The following DOK5 variants were observed in gnomAD, a reference collection of about 807,000 sequenced individuals.
The protein encoded by DOK5 is docking protein 5, also known as downstream of tyrosine kinase 5.
A neutral mutation model predicts 43.3 loss-of-function variants in DOK5; 27 were observed. The ratio of observed to expected loss-of-function variants is 0.62; its 90% confidence interval spans 0.46 to 0.86. DOK5 has a LOEUF of 0.86. DOK5 is among the 40% of genes least tolerant of loss of function. The pLI, the probability that DOK5 is intolerant of heterozygous loss-of-function variation, is 0.00. For missense variants in DOK5, 373 were observed against 392.9 expected, an observed-to-expected ratio of 0.95 and a Z score of 0.43; for synonymous variants, 146 against 140.1, an observed-to-expected ratio of 1.04 and a Z score of -0.30.
chr20:54,541,967 C>A (rs1217157100), intron 1 of DOK5, among the ~76,000 whole-genome samples: 1 of 151,934 alleles, frequency 6.6e-6, no homozygotes, highest in African/African-American at 2.4e-5. Flanking sequence ...CAGATGATAC[C>A]TTCTTCATGA....
chr20:54,607,694 C>T (rs1279700035), intron 5 of DOK5, among the ~76,000 whole-genome samples: 1 of 151,710 alleles, frequency 6.6e-6, no homozygotes, highest in African/African-American at 2.4e-5. Flanking sequence ...AGACCAGCGG[C>T]CAAAATGGTG....
At chr20:54,482,021 A>T (rs1015969636) in intron 1 of DOK5, among the ~76,000 whole-genome samples, 18 of 152,366 alleles carry the variant, frequency 1.2e-4, no homozygotes, top group African/African-American at 4.1e-4. Context: ...GCAATTGTTC[A>T]TATCCTCAAA....
At chr20:54,523,420 G>C (rs1260847543) in intron 1 of DOK5, among the ~76,000 whole-genome samples, 1 of 151,926 alleles carries the variant, frequency 6.6e-6, no homozygotes, top group Non-Finnish European at 1.5e-5. Context: ...ACAAAAATTA[G>C]CTGGGCATGG....
chr20:54,594,954 C>A (rs916271258), intron 5 of DOK5, among the ~76,000 whole-genome samples: 3 of 152,104 alleles, frequency 2.0e-5, no homozygotes, highest in African/African-American at 7.2e-5. Context: ...CTGTAGGAAA[C>A]CATAGATACT....
intron 6 of DOK5, among the ~76,000 whole-genome samples, chr20:54,613,964 A>C (rs1021229695): frequency 6.6e-6 from 1 of 151,676 alleles, no homozygotes; most frequent in Non-Finnish European, 1.5e-5. Flanking sequence ...ACTGCACTCC[A>C]GTCTGGGTGA....
At chr20:54,558,516 G>T (rs1383018510) in intron 2 of DOK5, among the ~76,000 whole-genome samples, 2 of 152,032 alleles carry the variant, frequency 1.3e-5, no homozygotes, top group South Asian at 2.1e-4. Context: ...ATCTCTCGGG[G>T]CACATAAAAA....
chr20:54,480,141 G>A (rs1443520304), intron 1 of DOK5, among the ~76,000 whole-genome samples: 1 of 152,142 alleles, frequency 6.6e-6, no homozygotes, highest in African/African-American at 2.4e-5. Flanking sequence ...TCACCTGGCT[G>A]CTGAAGCTGT....
At chr20:54,646,259 T>TTTTTTTTTTTTTTTG (rs1185268949) in intron 7 of DOK5, among the ~76,000 whole-genome samples, 1 of 139,208 alleles carries the variant, frequency 7.2e-6, no homozygotes, top group African/African-American at 2.7e-5. Flanking sequence ...TTTTTTTTTT[T>TTTTTTTTTTTTTTTG]TTTTTTTTTT....
At chr20:54,509,089 C>A (rs757635005) in intron 1 of DOK5, among the ~76,000 whole-genome samples, 1 of 151,176 alleles carries the variant, frequency 6.6e-6, no homozygotes, top group Non-Finnish European at 1.5e-5. Flanking sequence ...TTGGCCAGGC[C>A]GGTCTTGAAC....
chr20:54,564,995 T>C (rs148376738), intron 2 of DOK5, among the ~76,000 whole-genome samples: 1,692 of 152,346 alleles, frequency 0.011, 37 homozygotes, highest in African/African-American at 0.039. Context: ...CTTTGTTCTA[T>C]TGAGCTCTCC....
intron 1 of DOK5, among the ~76,000 whole-genome samples, chr20:54,488,426 C>T (rs1982027498): frequency 6.6e-6 from 1 of 152,166 alleles, no homozygotes; most frequent in African/African-American, 2.4e-5. Context: ...TAAGTTGACT[C>T]CTCACATCCT....
At chr20:54,527,353 T>G (rs1488012776) in intron 1 of DOK5, among the ~76,000 whole-genome samples, 1 of 152,210 alleles carries the variant, frequency 6.6e-6, no homozygotes, top group Non-Finnish European at 1.5e-5. Flanking sequence ...TTCATGTGCT[T>G]AGGATTTTAT....
intron 5 of DOK5, among the ~76,000 whole-genome samples, chr20:54,592,456 A>G (rs1986006131): frequency 6.6e-6 from 1 of 152,134 alleles, no homozygotes; most frequent in African/African-American, 2.4e-5. Context: ...CTACCTACAA[A>G]AAGATTCCTC....
chr20:54,511,954 C>G (rs1983030145), intron 1 of DOK5, among the ~76,000 whole-genome samples: 2 of 152,144 alleles, frequency 1.3e-5, no homozygotes, highest in African/African-American at 4.8e-5. Context: ...AATCTTGTGG[C>G]TTAGATGATG....
chr20:54,512,365 T>A (rs773499468), intron 1 of DOK5, among the ~76,000 whole-genome samples: 1 of 152,238 alleles, frequency 6.6e-6, no homozygotes, highest in Non-Finnish European at 1.5e-5. Context: ...CAGACCATCA[T>A]GTCATTTATG....
At chr20:54,573,925 C>T (rs1486657007) in intron 2 of DOK5, among the ~76,000 whole-genome samples, 1 of 152,126 alleles carries the variant, frequency 6.6e-6, no homozygotes, top group South Asian at 2.1e-4. Context: ...GAACTCAGAG[C>T]GTGTGGGAAG....
rs1357191874 is a variant in DOK5, at chr20:54,650,402, C to CT, written c.857-8dup. The CT allele has an allele frequency of 3.1e-6, 5 of 1,613,454 alleles. No individual in the cohort carries two copies. In the African/African-American group the frequency reaches 6.7e-5, roughly 22 times the overall value. ...GAAATGTAACTGTTGATTTTAAATT[C>CT]TTTTTGGAAAAGATGTTTCCAGCCC... is the stretch of plus-strand genomic sequence containing the variant. On this transcript the variant is annotated splice_polypyrimidine_tract_variant and intron_variant, in intron 7 of 7. Transcript: ENST00000262593.
chr20:54,584,422 G>T (rs925695073), intron 2 of DOK5, among the ~76,000 whole-genome samples: 7 of 151,416 alleles, frequency 4.6e-5, no homozygotes, highest in African/African-American at 2.4e-5. Context: ...ATAACAACTT[G>T]ACTTCAATCA....
intron 6 of DOK5, among the ~76,000 whole-genome samples, chr20:54,613,192 A>ATC (rs11468450): frequency 0.32 from 46,212 of 142,796 alleles, 7,527 homozygotes; most frequent in African/African-American, 0.39. Flanking sequence ...TCTGCGCCTC[A>ATC]TCTCTCTCTC....
Sources: allele counts gnomAD v4.1 joint callset (sites outside exome capture counted in the v4.1 genomes callset), GRCh38; gene constraint gnomAD v4.1.1; transcripts MANE v1.5; gene names NCBI Gene and HGNC (gene_info 2026-07-23, HGNC 2026-07-21).